The following KANSL1L variants were observed in gnomAD, a reference collection of about 807,000 sequenced individuals.
KANSL1L encodes the protein KAT8 regulatory NSL complex subunit 1 like.
KANSL1L carries 25 observed loss-of-function variants against 108.6 expected under a neutral mutation model. The observed-to-expected ratio is 0.23, with a 90% CI of 0.17 to 0.32. The LOEUF is 0.32. Among genes scored for constraint, KANSL1L ranks in the 10% least tolerant of loss-of-function variants. The pLI is 1.00. For missense variants in KANSL1L, 1,137 were observed against 1,125.7 expected (o/e 1.01, Z -0.14); for synonymous variants, 405 against 395.1 (o/e 1.03, Z -0.30).
At chr2:210,136,549 T>C (rs1374307208) in intron 2 of KANSL1L, among the ~76,000 whole-genome samples, 2 of 152,164 alleles carry the variant, frequency 1.3e-5, no homozygotes, top group Non-Finnish European at 1.5e-5. Flanking sequence ...ATAAGCATTG[T>C]GTGTATGTGT....
intron 5 of KANSL1L, among the ~76,000 whole-genome samples, chr2:210,090,677 G>A (rs943741146): frequency 2.6e-5 from 4 of 151,974 alleles, no homozygotes; most frequent in Admixed American, 2.0e-4. Context: ...GACTACAGGT[G>A]TGTACCACCA....
At chr2:210,072,365 G>A (rs996977104) in intron 6 of KANSL1L, among the ~76,000 whole-genome samples, 2 of 152,202 alleles carry the variant, frequency 1.3e-5, no homozygotes, top group African/African-American at 4.8e-5. Flanking sequence ...ACAGGTGACA[G>A]TAGTTTTGAT....
Position 210,153,588 on chromosome 2 carries a change from A to C in KANSL1L, c.995T>G (p.Leu332Trp). Reference protein sequence around the residue: ...QRFAFSATGLLSHVEEGLDSD... With the variant: ...QRFAFSATGLWSHVEEGLDSD... ...ATCCAAACCCTCTTCAACATGAGAC[A>C]ACAGCCCTGTAGCAGAAAATGCAAA... Residue 332 changes from leucine (L) to tryptophan (W), a missense_variant, in exon 2 of 15, where the codon TTG becomes TGG. Physicochemically the swap from Leu to Trp is moderately conservative, Grantham distance 61. Around this residue, in one of 3 missense-constraint regions of KANSL1L, gnomAD observed 556 missense variants for 537.7 expected, o/e 1.03. Transcript: ENST00000281772. 1 of 1,614,104 alleles carries C rather than the reference A, an allele frequency of 6.2e-7. No individual in the cohort carries two copies. The highest frequency in any genetic ancestry group is 8.5e-7 in the Non-Finnish European group (1 of 1,180,006).
chr2:210,079,650 A>ATG (rs1296415684), intron 5 of KANSL1L, among the ~76,000 whole-genome samples: 1 of 19,526 alleles, frequency 5.1e-5, no homozygotes, highest in African/African-American at 1.7e-4. Flanking sequence ...ATATATATAT[A>ATG]TATATATATA....
intron 2 of KANSL1L, among the ~76,000 whole-genome samples, chr2:210,136,890 G>A (rs972007766): frequency 5.3e-5 from 8 of 152,142 alleles, no homozygotes; most frequent in African/African-American, 1.9e-4. Context: ...ATGCACTTCT[G>A]TATAACCTCA....
At chr2:210,048,454 G>A (rs1445447179) in intron 6 of KANSL1L, among the ~76,000 whole-genome samples, 1 of 150,892 alleles carries the variant, frequency 6.6e-6, no homozygotes, top group Non-Finnish European at 1.5e-5. Flanking sequence ...AATCATATTA[G>A]CAATTTTCTG....
Position 210,024,033 on chromosome 2 carries a change from C to A in KANSL1L, c.2733G>T (p.Lys911Asn). 6.4e-7 allele frequency: 1 copy of A among 1,560,314 alleles called. No homozygotes were observed. Among genetic ancestry groups the A allele is most frequent in the South Asian group, 1.2e-5 (1 of 83,368 alleles). Residue 911 changes from lysine to asparagine, a missense_variant and splice_region_variant, in exon 14 of 15, where the codon AAG (lysine) becomes AAT (asparagine). Coordinates refer to ENST00000281772, the MANE Select transcript of KANSL1L (RefSeq NM_152519.4). ...GTTTAATCATACATATTACACTTACCTTGGTTTCTTGACTTTGATTTAAAG... is the reference window on the plus strand; with the variant it reads ...GTTTAATCATACATATTACACTTACATTGGTTTCTTGACTTTGATTTAAAG... ...LPSLNQSQET[K>N]SLWWERRAFP...
intron 6 of KANSL1L, among the ~76,000 whole-genome samples, chr2:210,068,896 T>A (rs1353332840): frequency 1.3e-5 from 2 of 152,146 alleles, no homozygotes; most frequent in African/African-American, 4.8e-5. Context: ...ATCCATGAGT[T>A]ACATACCTAA....
At chr2:210,079,977 G>GC (rs2125342953) in intron 5 of KANSL1L, 1 of 151,374 alleles carries the variant, frequency 6.6e-6, no homozygotes, top group South Asian at 2.1e-4. Context: ...TATTTCCCTG[G>GC]CCTCCTCCCT....
At chr2:210,171,693 C>G (rs1688353124), upstream of KANSL1L, 1 of 152,060 alleles carries the variant, frequency 6.6e-6, no homozygotes. Context: ...GACTTCCCAC[C>G]CCTGCTTTGC....
chr2:210,079,176 G>A (rs1244129618), intron 5 of KANSL1L, among the ~76,000 whole-genome samples: 2 of 151,946 alleles, frequency 1.3e-5, no homozygotes, highest in African/African-American at 4.8e-5. Context: ...AGGTCCAGAA[G>A]AAAAAGAATA....
chr2:210,096,126 G>C (rs2094733632), intron 5 of KANSL1L, among the ~76,000 whole-genome samples: 2 of 152,130 alleles, frequency 1.3e-5, no homozygotes, highest in South Asian at 2.1e-4. Context: ...AGGAAAGACA[G>C]TATTCAGTAG....
rs770260102 is a variant in KANSL1L at position 210,154,541 on chromosome 2, G to A, written c.42C>T (p.Ser14=). The A allele has an allele frequency of 1.9e-6, 3 of 1,565,804 alleles. No homozygotes were observed. The highest frequency in any genetic ancestry group is 2.6e-6 in the Non-Finnish European group (3 of 1,155,598). The change falls in exon 2 of 15, where the codon AGC becomes AGT. Residue 14 remains serine (S), a synonymous_variant. Coordinates refer to ENST00000281772, the MANE Select transcript of KANSL1L (RefSeq NM_152519.4). ...CCATGGTACTTGGCAAAGATGAAAA[G>A]CTGATACCCTTTGCTGTTGCCTCCC... ...ALREATAKGI[S]FSSLPSTMES...
intron 2 of KANSL1L, among the ~76,000 whole-genome samples, chr2:210,148,942 A>G (rs2095283802): frequency 6.6e-6 from 1 of 152,110 alleles, no homozygotes; most frequent in Non-Finnish European, 1.5e-5. Flanking sequence ...CATTTTACTT[A>G]TCAACTTTAA....
chr2:210,154,647 G>GA (rs1446146686), intron 1 of KANSL1L, 36 bp from the exon 2 acceptor site: 2 of 1,318,004 alleles, frequency 1.5e-6, no homozygotes, highest in African/African-American at 1.5e-5. Flanking sequence ...CAAATATCTA[G>GA]AAAAAAATTT....
At chr2:210,064,834 A>G (rs1009920612) in intron 6 of KANSL1L, among the ~76,000 whole-genome samples, 2 of 151,640 alleles carry the variant, frequency 1.3e-5, no homozygotes, top group East Asian at 3.9e-4. Flanking sequence ...AAAAAAAAAA[A>G]AAAACACAGG....
At position 210,044,461 on chromosome 2, in the gene KANSL1L, A is replaced by G. The variant is rs192709888; in HGVS notation, c.1756-357T>C. On this transcript the variant is annotated intron_variant, in intron 6 of 14. Transcript: ENST00000281772. The surrounding 1 kb of genome is among the most constrained non-coding windows in gnomAD (Gnocchi z 4.2). ...GTTTTTTTTTTAGGGAGTTCCAACC[A>G]TGCTGGATGGGTTCACCAATTCAAT... Among the ~76,000 whole-genome samples the G allele has an allele frequency of 2.0e-4, 30 of 151,916 alleles. No individual in the cohort carries two copies. The highest frequency in any genetic ancestry group is 7.2e-4 in the African/African-American group (30 of 41,414).
At chr2:210,070,672 CA>C (rs1472084975) in intron 6 of KANSL1L, among the ~76,000 whole-genome samples, 1 of 152,114 alleles carries the variant, frequency 6.6e-6, no homozygotes, top group Non-Finnish European at 1.5e-5. Flanking sequence ...CTAGGTGTGT[CA>C]TAACAAAATG....
At chr2:210,095,593 T>G (rs2094728546) in intron 5 of KANSL1L, among the ~76,000 whole-genome samples, 1 of 152,164 alleles carries the variant, frequency 6.6e-6, no homozygotes, top group African/African-American at 2.4e-5. Context: ...TAATACATAT[T>G]ATCACAAATT....
Sources: allele counts gnomAD v4.1 joint callset (sites outside exome capture counted in the v4.1 genomes callset), GRCh38; gene constraint gnomAD v4.1.1; regional missense constraint gnomAD v4.1.1; non-coding constraint Gnocchi (gnomAD v3.1); transcripts MANE v1.5; gene names NCBI Gene and HGNC (gene_info 2026-07-23, HGNC 2026-07-21).